Variants in PBK observed in about 807,000 individuals in gnomAD.
PBK encodes the protein lymphokine-activated killer T-cell-originated protein kinase.
PBK carries 22 observed loss-of-function variants against 33.5 expected under a neutral mutation model. The ratio of observed to expected loss-of-function variants is 0.66; its 90% confidence interval spans 0.47 to 0.94. PBK has a LOEUF of 0.94. Ranked by LOEUF, PBK falls within the 40% of genes least tolerant of loss-of-function variation. The pLI is 0.00. For missense variants in PBK, 376 were observed against 383.4 expected, an observed-to-expected ratio of 0.98 and a Z score of 0.16; for synonymous variants, 129 against 123.8, an observed-to-expected ratio of 1.04 and a Z score of -0.28.
chr8:27,821,188 A>G (rs1254406624), intron 5 of PBK, among the ~76,000 whole-genome samples: 10 of 152,086 alleles, frequency 6.6e-5, no homozygotes, highest in Admixed American at 2.6e-4. Flanking sequence ...TGCCATACTG[A>G]CCAGAAGTCT....
intron 4 of PBK, 94 bp from the exon 5 acceptor site, chr8:27,822,582 C>T: frequency 1.3e-6 from 1 of 744,248 alleles, no homozygotes; most frequent in Non-Finnish European, 2.1e-6. Context: ...TGGATCTGGA[C>T]TAACGCTGAC....
intron 7 of PBK, 119 bp downstream of exon 7, chr8:27,810,839 A>T: frequency 1.4e-6 from 1 of 707,322 alleles, no homozygotes; most frequent in Non-Finnish European, 2.3e-6. Flanking sequence ...GTGTGAGATT[A>T]AACCTTGGTG....
At chr8:27,823,491 C>T (rs933268374) in intron 3 of PBK, among the ~76,000 whole-genome samples, 1 of 151,910 alleles carries the variant, frequency 6.6e-6, no homozygotes, top group African/African-American at 2.4e-5. Flanking sequence ...AAAATTGTAA[C>T]TTTCCAATTT....
At chr8:27,835,553 AT>A (rs5890383) in intron 1 of PBK, among the ~76,000 whole-genome samples, 20,831 of 145,064 alleles carry the variant, frequency 0.14, 1,699 homozygotes, top group East Asian at 0.37. Flanking sequence ...ATCTTCTAAG[AT>A]TTTTTTTTTT....
intron 6 of PBK, among the ~76,000 whole-genome samples, chr8:27,814,601 CATTG>C (rs1193897137): frequency 6.6e-6 from 1 of 152,040 alleles, no homozygotes; most frequent in African/African-American, 2.4e-5. Context: ...GAACATAGGT[CATTG>C]ATTTAGAACT....
In PBK at chr8:27,810,918, A is replaced by G. The variant is rs1329280949; in HGVS notation, c.772+40T>C. ...AAAATTATATAATCTTTAGTGTGAAATGAAGAGATTGGGATTTATGTTAGA... is the reference window on the plus strand; with the variant it reads ...AAAATTATATAATCTTTAGTGTGAAGTGAAGAGATTGGGATTTATGTTAGA... On this transcript the variant is annotated intron_variant, in intron 7 of 7. Transcript: ENST00000301905. 3 of 1,235,812 alleles carry G rather than the reference A, an allele frequency of 2.4e-6. No individual in the cohort carries two copies. The African/African-American group carries it at 4.4e-5, about 18-fold the overall frequency. 76.6% of individuals were successfully genotyped at this position (1,235,812 alleles called of 1,614,324 possible). A position where few individuals can be genotyped will look rare whatever the true frequency, so the allele number is the denominator to read the frequency against.
chr8:27,831,041 T>C (rs1047934634), intron 2 of PBK, among the ~76,000 whole-genome samples: 1 of 152,104 alleles, frequency 6.6e-6, no homozygotes, highest in African/African-American at 2.4e-5. Flanking sequence ...AGGCCAGGCA[T>C]GGTAATCCCA....
At chr8:27,816,987 T>C (rs547633885) in intron 6 of PBK, among the ~76,000 whole-genome samples, 7 of 152,274 alleles carry the variant, frequency 4.6e-5, no homozygotes, top group African/African-American at 1.7e-4. Flanking sequence ...TTGATATTTT[T>C]CCCAGTACAT....
intron 2 of PBK, among the ~76,000 whole-genome samples, chr8:27,830,408 C>A (rs2128965312): frequency 6.6e-6 from 1 of 151,772 alleles, no homozygotes; most frequent in Non-Finnish European, 1.5e-5. Flanking sequence ...AATCTTAAGA[C>A]AGAGCAACAA....
intron 6 of PBK, among the ~76,000 whole-genome samples, chr8:27,813,757 A>T (rs1200091561): frequency 6.6e-6 from 1 of 152,206 alleles, no homozygotes; most frequent in Non-Finnish European, 1.5e-5. Flanking sequence ...CATAGTGAGG[A>T]CATTGATTCT....
Position 27,811,053 on chromosome 8 carries a change from T to G in PBK, c.677A>C (p.Asp226Ala). The change falls in exon 7 of 8, where the codon GAC becomes GCC. Residue 226 changes from aspartate to alanine, a missense_variant. Transcript: ENST00000301905. Reference protein sequence around the residue: ...EAVEENGVITDKADIFAFGLT... With the variant: ...EAVEENGVITAKADIFAFGLT... ...GCCAAAGGCAAATATGTCTGCCTTG[T>G]CAGTAATAACACCATTCTCCTCCAC... 6.2e-7 allele frequency: 1 copy of G among 1,612,334 alleles called. No homozygotes were observed.
intron 6 of PBK, among the ~76,000 whole-genome samples, chr8:27,815,219 G>A (rs1412367519): frequency 6.6e-6 from 1 of 152,108 alleles, no homozygotes; most frequent in Non-Finnish European, 1.5e-5. Flanking sequence ...GGAAAAGTGA[G>A]AATCCATAAG....
chr8:27,827,830 C>T (rs552418395), intron 3 of PBK, among the ~76,000 whole-genome samples: 1 of 152,286 alleles, frequency 6.6e-6, no homozygotes, highest in Non-Finnish European at 1.5e-5. Flanking sequence ...GAACCCTTTC[C>T]CCTGCCACTT....
chr8:27,824,255 GTTGAAAGTTTAGCTC>G (rs2128963971), intron 3 of PBK, among the ~76,000 whole-genome samples: 1 of 152,134 alleles, frequency 6.6e-6, no homozygotes, highest in South Asian at 2.1e-4. Flanking sequence ...AATTTCAAGG[GTTGAAAGTTTAGCTC>G]TTGAAAGTTT....
intron 6 of PBK, 141 bp from the exon 7 acceptor site, chr8:27,811,275 C>T (rs557722424): frequency 4.4e-6 from 3 of 689,174 alleles, no homozygotes; most frequent in Non-Finnish European, 7.6e-6. Context: ...ATACACTCAA[C>T]CTCAATAAGG....
intron 6 of PBK, among the ~76,000 whole-genome samples, chr8:27,818,231 T>C (rs947959797): frequency 6.6e-6 from 1 of 152,234 alleles, no homozygotes; most frequent in Admixed American, 6.5e-5. Flanking sequence ...GCAAAACCTA[T>C]TCTAACCTCA....
intron 6 of PBK, among the ~76,000 whole-genome samples, chr8:27,815,141 C>T (rs533062812): frequency 3.3e-5 from 5 of 152,062 alleles, no homozygotes; most frequent in African/African-American, 1.2e-4. Context: ...CCCTGAGAGT[C>T]TCAAGAACTT....
chr8:27,810,117 G>T lies in PBK; in HGVS notation c.*188C>A, dbSNP rs1007341762. 4 of 560,518 alleles carry T rather than the reference G, an allele frequency of 7.1e-6. No individual in the cohort carries two copies. The highest frequency in any genetic ancestry group is 9.3e-6 in the Non-Finnish European group (3 of 321,658). 34.7% of individuals were successfully genotyped at this position (560,518 alleles called of 1,614,324 possible). A position where few individuals can be genotyped will look rare whatever the true frequency, so the allele number is the denominator to read the frequency against. On this transcript the variant is annotated 3_prime_UTR_variant, in exon 8 of 8. Transcript: ENST00000301905. ...TTTCTAAAACTTTACAGAAAACCCA[G>T]TACAATTCCAAGTGCTTATAGCCAA...
At chr8:27,836,771 T>C (rs1806234390) in intron 1 of PBK, among the ~76,000 whole-genome samples, 1 of 152,144 alleles carries the variant, frequency 6.6e-6, no homozygotes, top group Non-Finnish European at 1.5e-5. Context: ...TAAAAACAAC[T>C]AGGTTTAAAC....
Sources: allele counts gnomAD v4.1 joint callset (sites outside exome capture counted in the v4.1 genomes callset), GRCh38; gene constraint gnomAD v4.1.1; transcripts MANE v1.5; gene names NCBI Gene and HGNC (gene_info 2026-07-23, HGNC 2026-07-21).